NFASC: variants seen among roughly 807,000 people sequenced by gnomAD.
NFASC encodes the protein neurofascin.
NFASC carries 43 observed loss-of-function variants against 147.5 expected under a neutral mutation model. That is an observed-to-expected ratio of 0.29 (90% CI 0.23 to 0.38). NFASC has a LOEUF of 0.38. Ranked by LOEUF, NFASC falls within the 10% of genes least tolerant of loss-of-function variation. The pLI is 1.00. For missense variants in NFASC, 1,320 were observed against 1,689.0 expected, an observed-to-expected ratio of 0.78 and a Z score of 3.83; for synonymous variants, 622 against 665.5, an observed-to-expected ratio of 0.93 and a Z score of 1.01.
At position 204,948,790 on chromosome 1, in the gene NFASC, G is replaced by C. The variant is rs979650732; in HGVS notation, c.92-1767G>C. 10 of 504,734 alleles carry C rather than the reference G, an allele frequency of 2.0e-5. No homozygotes were observed. The Admixed American group carries it at 2.0e-4, about 10-fold the overall frequency. 31.3% of individuals were successfully genotyped at this position (504,734 alleles called of 1,614,324 possible). On this transcript the variant is annotated intron_variant, in intron 3 of 29. Transcript: ENST00000339876. ...GGCTTGAAGTCTTGAATAGGCAAAG[G>C]AGGTCCCTTGTCAGGCTTGCTAACC...
intron 16 of NFASC, among the ~76,000 whole-genome samples, 186 bp from the exon 17 acceptor site, chr1:204,977,495 G>A (rs1435567707): frequency 6.6e-6 from 1 of 152,232 alleles, no homozygotes; most frequent in Non-Finnish European, 1.5e-5. Flanking sequence ...GCCCCCAGCT[G>A]TGGAGGAAAC....
intron 2 of NFASC, among the ~76,000 whole-genome samples, chr1:204,935,794 G>A (rs535531577): frequency 3.0e-4 from 46 of 152,274 alleles, no homozygotes; most frequent in Admixed American, 1.1e-3. Context: ...TTAGCCTGGC[G>A]TGTTCCTCCT....
chr1:204,995,797 A>T (rs1171206297), intron 24 of NFASC, among the ~76,000 whole-genome samples: 1 of 151,978 alleles, frequency 6.6e-6, no homozygotes, highest in African/African-American at 2.4e-5. Flanking sequence ...ACTCTCCCTT[A>T]AAAAAAGCTC....
At chr1:204,945,497 C>T (rs1429645114) in intron 3 of NFASC, among the ~76,000 whole-genome samples, 1 of 148,792 alleles carries the variant, frequency 6.7e-6, no homozygotes, top group African/African-American at 2.5e-5. Context: ...TCCTGGCACT[C>T]TACTTCACCC....
At chr1:204,874,343 C>T (rs2078319498) in intron 1 of NFASC, among the ~76,000 whole-genome samples, 1 of 152,232 alleles carries the variant, frequency 6.6e-6, no homozygotes, top group Non-Finnish European at 1.5e-5. Context: ...AGTTCTTCTG[C>T]CCCCTGGGCT....
chr1:204,920,828 G>A, intron 2 of NFASC, 88 bp downstream of exon 2: 1 of 566,630 alleles, frequency 1.8e-6, no homozygotes, highest in Non-Finnish European at 2.9e-6. Flanking sequence ...TCTTTGATAA[G>A]GGAAGCCTGT....
Position 204,981,921 on chromosome 1 carries a change from A to G in NFASC, c.2371A>G (p.Thr791Ala). 6.2e-7 allele frequency: 1 copy of G among 1,609,312 alleles called. No homozygotes were observed. Among genetic ancestry groups the G allele is most frequent in the Non-Finnish European group, 8.5e-7 (1 of 1,177,996 alleles). Residue 791 changes from threonine to alanine, a missense_variant, in exon 21 of 30, where the codon ACC (threonine) becomes GCC (alanine). Coordinates refer to ENST00000339876, the MANE Select transcript of NFASC (RefSeq NM_001005388.3). ...VWGSRYVVGQ[T>A]PVYVPYEIRV... ...GGGCTCTCGCTACGTGGTGGGGCAG[A>G]CCCCAGTCTACGTGCCCTATGAGAT... is the stretch of plus-strand genomic sequence containing the variant.
chr1:205,002,324 A>G (rs6661266), intron 26 of NFASC, among the ~76,000 whole-genome samples: 35,003 of 152,144 alleles, frequency 0.23, 4,191 homozygotes, highest in South Asian at 0.33. Context: ...GTAGGTTATA[A>G]TATGTCTAGT....
intron 28 of NFASC, among the ~76,000 whole-genome samples, chr1:205,011,794 CAT>C (rs2096258113): frequency 6.6e-6 from 1 of 152,188 alleles, no homozygotes; most frequent in Admixed American, 6.5e-5. Context: ...AAAAAGGACA[CAT>C]AGGCCGGGCG....
At chr1:204,961,971 G>T (rs1435025509) in intron 8 of NFASC, 4 of 655,570 alleles carry the variant, frequency 6.1e-6, no homozygotes, top group Non-Finnish European at 1.1e-5. Flanking sequence ...CAAATATGCC[G>T]TGTCTTTCCT....
rs757920700 is a variant in NFASC at position 204,954,155 on chromosome 1, G to A, written c.216-33G>A. ...CTGGAGCCCAGAGCCCACCCCATTC[G>A]TCTTGGTTGCCACTGCTCCCCACTC... On this transcript the variant is annotated intron_variant, in intron 5 of 29. Transcript: ENST00000339876. This position sits in a 1 kb window ranked among gnomAD's most constrained non-coding sequence, Gnocchi z 5.7. The A allele has an allele frequency of 5.6e-6, 9 of 1,607,054 alleles. No homozygotes were observed. The highest frequency in any genetic ancestry group is 4.5e-5 in the East Asian group (2 of 44,824).
chr1:204,987,775 AG>A lies in NFASC; in HGVS notation c.2593+238del, dbSNP rs2095645710. 6.6e-6 allele frequency among the ~76,000 whole-genome samples: 1 copy of A among 152,190 alleles called. No individual in the cohort carries two copies. The highest frequency in any genetic ancestry group is 2.1e-4 in the South Asian group (1 of 4,830). ...GCTTCTAGTCTCACTGATGAGACAA[AG>A]GGACCTCCAGTCTAATGAAGCAGAC... is the stretch of plus-strand genomic sequence containing the variant. On this transcript the variant is annotated intron_variant, in intron 22 of 29. Coordinates refer to ENST00000339876, the MANE Select transcript of NFASC (RefSeq NM_001005388.3). This position sits in a 1 kb window ranked among gnomAD's most constrained non-coding sequence, Gnocchi z 4.4.
At chr1:204,911,761 G>T (rs909949639) in intron 1 of NFASC, among the ~76,000 whole-genome samples, 1 of 151,822 alleles carries the variant, frequency 6.6e-6, no homozygotes, top group African/African-American at 2.4e-5. Context: ...TGGCCTGAAG[G>T]TTTCCTTTTT....
rs922798607 is a variant in NFASC, at chr1:204,954,479, T to A, written c.412+95T>A. The stretch of plus-strand genomic sequence containing the variant: ...CATTCCAGAAGGGCTGCCCCTGCCC[T>A]TGGCCTGCAGTTGCCTTGGTGTTCT... On this transcript the variant is annotated intron_variant, in intron 6 of 29. Coordinates refer to ENST00000339876, the MANE Select transcript of NFASC (RefSeq NM_001005388.3). This position sits in a 1 kb window ranked among gnomAD's most constrained non-coding sequence, Gnocchi z 5.7. 3 of 1,218,252 alleles carry A rather than the reference T, an allele frequency of 2.5e-6. No homozygotes were observed. The highest frequency in any genetic ancestry group is 1.5e-5 in the African/African-American group (1 of 66,084). The allele number at this position is 1,218,252 out of a possible 1,614,324, so 75.5% of individuals were successfully genotyped here. A position where few individuals can be genotyped will look rare whatever the true frequency, so the allele number is the denominator to read the frequency against.
At position 204,987,307 on chromosome 1, in the gene NFASC, G is replaced by T; in HGVS notation, c.2471-111G>T. On this transcript the variant is annotated intron_variant, in intron 21 of 29. Transcript: ENST00000339876. The surrounding 1 kb of genome is among the most constrained non-coding windows in gnomAD (Gnocchi z 4.4). Reference sequence around the variant, plus strand: ...GCTTCAGTTTAGCAGTGTCGAGCATGGGGGTTGTCCAGAGGTCAATGCCTT... The same window carrying T: ...GCTTCAGTTTAGCAGTGTCGAGCATTGGGGTTGTCCAGAGGTCAATGCCTT... 9.7e-7 allele frequency: 1 copy of T among 1,028,082 alleles called. No homozygotes were observed. The highest frequency in any genetic ancestry group is 1.5e-6 in the Non-Finnish European group (1 of 688,896). 63.7% of individuals were successfully genotyped at this position (1,028,082 alleles called of 1,614,324 possible).
chr1:205,001,287 G>A lies in NFASC; in HGVS notation c.3136+1G>A. ...GACTTTGTGGTTGAGTACATCGACA[G>A]TAAGCATTGCTGTGCGGGGTGGTGG... is the stretch of plus-strand genomic sequence containing the variant. On this transcript the variant is annotated splice_donor_variant, in intron 26 of 29. Transcript: ENST00000339876. LOFTEE classifies it high-confidence loss of function. 6.3e-7 allele frequency: 1 copy of A among 1,599,898 alleles called. No individual in the cohort carries two copies. Among genetic ancestry groups the A allele is most frequent in the Non-Finnish European group, 8.6e-7 (1 of 1,169,290 alleles).
chr1:205,014,499 A>G (rs1462262023), intron 29 of NFASC, among the ~76,000 whole-genome samples: 1 of 152,138 alleles, frequency 6.6e-6, no homozygotes, highest in East Asian at 1.9e-4. Context: ...CACCTTTCCC[A>G]TGGGGCACCC....
At chr1:205,002,832 C>A (rs542161649) in intron 27 of NFASC, 84 bp downstream of exon 27, 3 of 1,116,518 alleles carry the variant, frequency 2.7e-6, no homozygotes, top group Non-Finnish European at 3.6e-6. Context: ...CCTCTCTCCT[C>A]GGAAAGAAGA....
intron 1 of NFASC, among the ~76,000 whole-genome samples, chr1:204,881,349 G>T (rs74138647): frequency 0.015 from 2,253 of 152,272 alleles, 50 homozygotes; most frequent in African/African-American, 0.051. Context: ...CCTCTCTATT[G>T]GTGACAGATG....
Sources: allele counts gnomAD v4.1 joint callset (sites outside exome capture counted in the v4.1 genomes callset), GRCh38; gene constraint gnomAD v4.1.1; non-coding constraint Gnocchi (gnomAD v3.1); transcripts MANE v1.5; gene names NCBI Gene and HGNC (gene_info 2026-07-23, HGNC 2026-07-21).